Variants in OCA2 observed in about 807,000 individuals in gnomAD.
The protein encoded by OCA2 is OCA2 melanosomal transmembrane protein, also known as P protein.
Under a neutral mutation model 100.2 loss-of-function variants are expected in OCA2, and 77 were observed. The observed-to-expected ratio is 0.77, with a 90% CI of 0.64 to 0.93. The LOEUF is 0.93. OCA2 is among the 40% of genes least tolerant of loss of function. The pLI, the probability that OCA2 is intolerant of heterozygous loss-of-function variation, is 0.00. For missense variants in OCA2, 1,062 were observed against 1,089.1 expected, an observed-to-expected ratio of 0.98 and a Z score of 0.35; for synonymous variants, 432 against 439.2, an observed-to-expected ratio of 0.98 and a Z score of 0.21.
rs777983711 is a variant in OCA2 at position 28,022,610 on chromosome 15, G to C, written c.574-37C>G. 3 of 1,462,854 alleles carry C rather than the reference G, an allele frequency of 2.1e-6. No homozygotes were observed. In the South Asian group the frequency reaches 3.4e-5, roughly 17 times the overall value. The allele number at this position is 1,462,854 out of a possible 1,614,324, so 90.6% of individuals were successfully genotyped here. On this transcript the variant is annotated intron_variant, in intron 5 of 23. Transcript: ENST00000354638. ...AGAAACGTTGAATGACAGAGGTGTG[G>C]TATGAGAGCAGTAAGGTATAAATCA...
chr15:27,742,204 C>T, the OCA2 span, among the ~76,000 whole-genome samples: 6 of 152,184 alleles, frequency 3.9e-5, no homozygotes, highest in African/African-American at 1.4e-4. Flanking sequence ...CTGGTTGGGC[C>T]TTGATGGTGG....
intron 15 of OCA2, among the ~76,000 whole-genome samples, chr15:27,964,109 G>C (rs1448574687): frequency 6.6e-6 from 1 of 152,148 alleles, no homozygotes; most frequent in Admixed American, 6.5e-5. Context: ...TGAATTTGTA[G>C]TTAAAAACCT....
chr15:27,811,932 C>T (rs1425633239), intron 23 of OCA2, among the ~76,000 whole-genome samples: 2 of 152,210 alleles, frequency 1.3e-5, no homozygotes, highest in East Asian at 1.9e-4. Context: ...CCTGCACCAA[C>T]CTTGTGGCTC....
chr15:28,056,688 C>T (rs1418000597), intron 2 of OCA2, among the ~76,000 whole-genome samples: 2 of 152,262 alleles, frequency 1.3e-5, no homozygotes, highest in Non-Finnish European at 2.9e-5. Context: ...TGCATCACTG[C>T]TGAGCTCCAC....
chr15:27,991,143 T>C (rs758432327), intron 9 of OCA2, among the ~76,000 whole-genome samples: 2 of 152,182 alleles, frequency 1.3e-5, no homozygotes, highest in African/African-American at 2.4e-5. Context: ...AGACAAAATA[T>C]GAGAAAAGGC....
chr15:28,089,831 CTTA>C (rs1336332510), intron 1 of OCA2, among the ~76,000 whole-genome samples: 2 of 152,110 alleles, frequency 1.3e-5, no homozygotes, highest in African/African-American at 4.8e-5. Context: ...TGAAAAACTA[CTTA>C]TTGAGGACTG....
At chr15:27,934,113 A>G (rs1166969356) in intron 18 of OCA2, among the ~76,000 whole-genome samples, 1 of 152,044 alleles carries the variant, frequency 6.6e-6, no homozygotes, top group Non-Finnish European at 1.5e-5. Context: ...CATTTTAACC[A>G]TATATTTTTT....
intron 23 of OCA2, among the ~76,000 whole-genome samples, chr15:27,786,703 C>A (rs1222353566): frequency 6.6e-6 from 1 of 152,086 alleles, no homozygotes; most frequent in East Asian, 1.9e-4. Context: ...TTCATGGGTT[C>A]CATAGAATTT....
chr15:28,053,646 C>G (rs923708585), intron 2 of OCA2, among the ~76,000 whole-genome samples: 9 of 152,162 alleles, frequency 5.9e-5, no homozygotes, highest in African/African-American at 2.2e-4. Context: ...GACATGCTGC[C>G]CCAGCCCATG....
chr15:27,983,492 A>G lies in OCA2; in HGVS notation c.1365-9T>C, dbSNP rs187271801. ...TGAGCACCTCACACAACCTGTCACA[A>G]ATGGAGGAAAATGAAAGTAGTCCCA... On this transcript the variant is annotated splice_polypyrimidine_tract_variant and intron_variant, in intron 13 of 23. Coordinates refer to ENST00000354638, the MANE Select transcript of OCA2 (RefSeq NM_000275.3). The G allele has an allele frequency of 1.2e-4, 197 of 1,614,100 alleles. No homozygotes were observed. The African/African-American group carries it at 2.0e-3, about 17-fold the overall frequency.
intron 23 of OCA2, among the ~76,000 whole-genome samples, chr15:27,809,049 G>A (rs547428666): frequency 6.6e-6 from 1 of 152,242 alleles, no homozygotes; most frequent in South Asian, 2.1e-4. Context: ...GCCCCCAAAG[G>A]CTCCCCAACC....
chr15:27,930,781 C>G (rs2039221461), intron 18 of OCA2, among the ~76,000 whole-genome samples: 1 of 151,720 alleles, frequency 6.6e-6, no homozygotes, highest in Admixed American at 6.6e-5. Context: ...CCAGGCTCTT[C>G]ATCAGGGCAG....
chr15:27,819,800 A>G (rs2034437058), intron 23 of OCA2, among the ~76,000 whole-genome samples: 1 of 152,334 alleles, frequency 6.6e-6, no homozygotes, highest in African/African-American at 2.4e-5. Flanking sequence ...AATGAATGAC[A>G]TTCAGTATCA....
At chr15:27,932,932 T>A (rs1314046065) in intron 18 of OCA2, among the ~76,000 whole-genome samples, 1 of 151,682 alleles carries the variant, frequency 6.6e-6, no homozygotes, top group Admixed American at 6.6e-5. Context: ...CACAATATAA[T>A]ATTCAAATGT....
chr15:27,921,233 T>C (rs539485954), intron 19 of OCA2, among the ~76,000 whole-genome samples: 1 of 151,584 alleles, frequency 6.6e-6, no homozygotes, highest in Non-Finnish European at 1.5e-5. Flanking sequence ...AATGCGCATA[T>C]AGGGGAAACA....
intron 23 of OCA2, among the ~76,000 whole-genome samples, chr15:27,807,200 C>T (rs2033892723): frequency 6.6e-6 from 1 of 152,126 alleles, no homozygotes; most frequent in Non-Finnish European, 1.5e-5. Context: ...CTGAGGGCTT[C>T]CTGTAACACC....
chr15:28,019,714 C>T (rs1314341590), intron 6 of OCA2, among the ~76,000 whole-genome samples: 1 of 152,114 alleles, frequency 6.6e-6, no homozygotes, highest in East Asian at 1.9e-4. Flanking sequence ...CAGAAGACAG[C>T]CCTGAGGACA....
At chr15:27,879,262 G>A (rs914774744) in intron 19 of OCA2, among the ~76,000 whole-genome samples, 1 of 152,114 alleles carries the variant, frequency 6.6e-6, no homozygotes, top group Non-Finnish European at 1.5e-5. Context: ...TCATTGTAGG[G>A]CATTTGGGAT....
intron 19 of OCA2, among the ~76,000 whole-genome samples, chr15:27,886,192 G>T (rs1165809441): frequency 6.6e-6 from 1 of 152,218 alleles, no homozygotes; most frequent in African/African-American, 2.4e-5. Context: ...GTAAATGGCA[G>T]CTGCAGCCAG....
Sources: gnomAD v4.1 joint callset for allele counts (sites outside exome capture counted in the v4.1 genomes callset) on GRCh38, gnomAD v4.1.1 for gene constraint, MANE v1.5 for transcripts, NCBI Gene and HGNC (gene_info 2026-07-23, HGNC 2026-07-21) for gene names.